Variants in CTNNA3 observed in about 807,000 individuals in gnomAD.
CTNNA3 encodes the protein catenin alpha-3.
A neutral mutation model predicts 95.7 loss-of-function variants in CTNNA3; 76 were observed. That is an observed-to-expected ratio of 0.79 (90% CI 0.66 to 0.96). The LOEUF is 0.96. Ranked by LOEUF, CTNNA3 falls within the 40% of genes least tolerant of loss-of-function variation. The probability of loss-of-function intolerance (pLI) is 0.00; values close to 1 mark genes in which losing one functional copy is unlikely to be tolerated. For missense variants in CTNNA3, 1,191 were observed against 1,089.8 expected (o/e 1.09, Z -1.31); for synonymous variants, 431 against 374.4 (o/e 1.15, Z -1.74).
chr10:66,084,212 A>C (rs1294435098), intron 14 of CTNNA3, among the ~76,000 whole-genome samples: 1 of 151,708 alleles, frequency 6.6e-6, no homozygotes, highest in African/African-American at 2.4e-5. Context: ...AGTTTGCAGA[A>C]GAGACCAAAC....
At chr10:66,483,409 G>A (rs1839611870) in intron 11 of CTNNA3, among the ~76,000 whole-genome samples, 1 of 151,836 alleles carries the variant, frequency 6.6e-6, no homozygotes, top group South Asian at 2.1e-4. Context: ...ATGATTTGTG[G>A]CCATGAGCTG....
At chr10:67,644,462 A>G (rs968381832) in intron 2 of CTNNA3, among the ~76,000 whole-genome samples, 3 of 152,072 alleles carry the variant, frequency 2.0e-5, no homozygotes, top group African/African-American at 7.2e-5. Flanking sequence ...ACAAAAAAGA[A>G]TGTAATGAGA....
At chr10:67,740,074 A>G (rs1172576559) in intron 1 of CTNNA3, among the ~76,000 whole-genome samples, 1 of 152,248 alleles carries the variant, frequency 6.6e-6, no homozygotes, top group Non-Finnish European at 1.5e-5. Flanking sequence ...TCCCTATTTA[A>G]TAAATGGTGC....
chr10:66,102,115 G>A (rs1233487038), intron 14 of CTNNA3, among the ~76,000 whole-genome samples: 1 of 152,028 alleles, frequency 6.6e-6, no homozygotes, highest in Non-Finnish European at 1.5e-5. Context: ...TTCAATATAA[G>A]TGCTTCAACA....
chr10:66,241,518 T>G (rs2090105381), intron 13 of CTNNA3, among the ~76,000 whole-genome samples: 1 of 152,156 alleles, frequency 6.6e-6, no homozygotes, highest in Non-Finnish European at 1.5e-5. Context: ...TAATCGGAAA[T>G]CATTTAAAAT....
At chr10:66,418,317 T>C (rs1203654618) in intron 11 of CTNNA3, among the ~76,000 whole-genome samples, 1 of 147,958 alleles carries the variant, frequency 6.8e-6, no homozygotes, top group Non-Finnish European at 1.5e-5. Context: ...TTACCAAGAT[T>C]GAATCAGGAA....
At chr10:66,150,584 C>T (rs1233356987) in intron 13 of CTNNA3, among the ~76,000 whole-genome samples, 1 of 151,764 alleles carries the variant, frequency 6.6e-6, no homozygotes, top group Non-Finnish European at 1.5e-5. Flanking sequence ...GTGTAATGAT[C>T]AAATCAGGGT....
intron 11 of CTNNA3, among the ~76,000 whole-genome samples, chr10:66,420,835 A>AAATAAATTAATT (rs751801209): frequency 0.015 from 1,391 of 92,990 alleles, 14 homozygotes; most frequent in Middle Eastern, 0.036. Context: ...ATAAATAAAT[A>AAATAAATTAATT]AATAAAAAAC....
intron 5 of CTNNA3, among the ~76,000 whole-genome samples, chr10:67,521,446 G>A (rs1839982440): frequency 6.6e-6 from 1 of 152,050 alleles, no homozygotes; most frequent in Non-Finnish European, 1.5e-5. Context: ...CCTTAATGTT[G>A]CATGTACACC....
intron 1 of CTNNA3, among the ~76,000 whole-genome samples, chr10:67,740,946 T>C (rs1429987311): frequency 1.3e-5 from 2 of 151,368 alleles, no homozygotes; most frequent in Non-Finnish European, 3.0e-5. Flanking sequence ...TAAGAAAATG[T>C]GGTACATATA....
chr10:67,342,618 T>C (rs1388617808), intron 5 of CTNNA3, among the ~76,000 whole-genome samples: 2 of 152,214 alleles, frequency 1.3e-5, no homozygotes, highest in Admixed American at 6.5e-5. Context: ...TTTTTGTATA[T>C]GGAAGAGATA....
intron 7 of CTNNA3, among the ~76,000 whole-genome samples, chr10:67,042,444 C>A (rs1854454961): frequency 6.6e-6 from 1 of 152,090 alleles, no homozygotes; most frequent in East Asian, 1.9e-4. Flanking sequence ...TTTGAGTTTT[C>A]CATGTCTTCT....
At chr10:67,556,773 T>C (rs1345323086) in intron 3 of CTNNA3, among the ~76,000 whole-genome samples, 1 of 152,220 alleles carries the variant, frequency 6.6e-6, no homozygotes, top group Non-Finnish European at 1.5e-5. Flanking sequence ...GCTCTGATCT[T>C]ACTTATTTCT....
chr10:66,371,836 G>T (rs2092756829), intron 12 of CTNNA3, among the ~76,000 whole-genome samples: 1 of 152,168 alleles, frequency 6.6e-6, no homozygotes, highest in African/African-American at 2.4e-5. Flanking sequence ...GTGGGCACAT[G>T]ATTTAAACTC....
At chr10:67,402,014 G>C (rs1209611228) in intron 5 of CTNNA3, among the ~76,000 whole-genome samples, 1 of 152,164 alleles carries the variant, frequency 6.6e-6, no homozygotes, top group Non-Finnish European at 1.5e-5. Flanking sequence ...TAAGAACTCT[G>C]GCAATTCAAA....
intron 13 of CTNNA3, among the ~76,000 whole-genome samples, chr10:66,235,217 G>T (rs1332524121): frequency 6.6e-6 from 1 of 152,080 alleles, no homozygotes; most frequent in South Asian, 2.1e-4. Context: ...ACTAAATTTG[G>T]TAGTAATGTT....
chr10:66,520,536 G>A lies in CTNNA3; in HGVS notation c.1531+81C>T. On this transcript the variant is annotated intron_variant, in intron 11 of 17. Transcript: ENST00000433211. ...CAAAGTGTTGGCATTACAGGCATGA[G>A]CCACCATGCCTGTCCCAGTATTATT... 7 of 1,265,316 alleles carry A rather than the reference G, an allele frequency of 5.5e-6. No homozygotes were observed. The South Asian group carries it at 6.0e-5, about 11-fold the overall frequency. 78.4% of individuals were successfully genotyped at this position (1,265,316 alleles called of 1,614,324 possible). A position where few individuals can be genotyped will look rare whatever the true frequency, so the allele number is the denominator to read the frequency against.
intron 12 of CTNNA3, among the ~76,000 whole-genome samples, chr10:66,325,341 C>T (rs1399584121): frequency 6.6e-6 from 1 of 152,010 alleles, no homozygotes; most frequent in Non-Finnish European, 1.5e-5. Flanking sequence ...TTTACCATTT[C>T]AAAGAATAGA....
chr10:67,461,389 C>T (rs912563775), intron 5 of CTNNA3, among the ~76,000 whole-genome samples: 2 of 152,058 alleles, frequency 1.3e-5, no homozygotes, highest in Admixed American at 6.6e-5. Context: ...CAGCAATGTG[C>T]CCCAAAATCC....
Sources: gnomAD v4.1 joint callset for allele counts (sites outside exome capture counted in the v4.1 genomes callset) on GRCh38, gnomAD v4.1.1 for gene constraint, MANE v1.5 for transcripts, NCBI Gene and HGNC (gene_info 2026-07-23, HGNC 2026-07-21) for gene names.